Variants in SPOCK3 observed in about 807,000 individuals in gnomAD.
SPOCK3 encodes the protein SPARC (osteonectin), cwcv and kazal like domains proteoglycan 3, also known as testican-3.
A neutral mutation model predicts 56.6 loss-of-function variants in SPOCK3; 30 were observed. That is an observed-to-expected ratio of 0.53 (90% CI 0.40 to 0.72). The LOEUF is 0.72. Ranked by LOEUF, SPOCK3 falls within the 30% of genes least tolerant of loss-of-function variation. The pLI is 0.00. For synonymous variants in SPOCK3, 196 were observed against 183.3 expected, an observed-to-expected ratio of 1.07 and a Z score of -0.56; for missense variants, 527 against 530.0, an observed-to-expected ratio of 0.99 and a Z score of 0.06.
chr4:167,051,615 C>G (rs62352386), intron 3 of SPOCK3, among the ~76,000 whole-genome samples: 3,092 of 152,298 alleles, frequency 0.02, 41 homozygotes, highest in Middle Eastern at 0.034. Flanking sequence ...ATCTGATGCT[C>G]TGAACAGGGA....
chr4:166,861,556 A>T lies in SPOCK3; in HGVS notation c.589+27574T>A, dbSNP rs114799703. 1.0e-2 allele frequency among the ~76,000 whole-genome samples: 1,522 copies of T among 152,242 alleles called. 11 individuals are homozygous for T. The highest frequency in any genetic ancestry group is 0.031 in the Middle Eastern group (9 of 294). ...GCCTTGAGCAATACGTTTGTTGAAG[A>T]TTAAAGTGAAATAAATTTCCTTTGT... is the stretch of plus-strand genomic sequence containing the variant. On this transcript the variant is annotated intron_variant, in intron 6 of 10. Coordinates refer to ENST00000357545, the MANE Select transcript of SPOCK3 (RefSeq NM_001040159.2).
intron 3 of SPOCK3, among the ~76,000 whole-genome samples, chr4:167,044,271 T>C (rs902839648): frequency 6.6e-6 from 1 of 152,056 alleles, no homozygotes; most frequent in African/African-American, 2.4e-5. Context: ...TTAATGTTCA[T>C]GAAATCTGTA....
intron 6 of SPOCK3, among the ~76,000 whole-genome samples, chr4:166,886,973 A>G (rs1039125497): frequency 4.6e-5 from 7 of 152,174 alleles, no homozygotes; most frequent in African/African-American, 1.7e-4. Context: ...ACAATTTGTC[A>G]GAGGAGGATT....
intron 2 of SPOCK3, among the ~76,000 whole-genome samples, chr4:167,129,615 A>G (rs1762549774): frequency 6.6e-6 from 1 of 152,054 alleles, no homozygotes; most frequent in African/African-American, 2.4e-5. Context: ...GTCACTCCAA[A>G]TACAATGATA....
chr4:167,016,653 G>T (rs952109688), intron 3 of SPOCK3, among the ~76,000 whole-genome samples: 3 of 151,572 alleles, frequency 2.0e-5, no homozygotes, highest in African/African-American at 7.3e-5. Flanking sequence ...CGATTCTCCT[G>T]CCTCAGTCTC....
At chr4:166,769,591 G>T (rs1227906084) in intron 7 of SPOCK3, among the ~76,000 whole-genome samples, 3 of 152,182 alleles carry the variant, frequency 2.0e-5, no homozygotes, top group Non-Finnish European at 4.4e-5. Flanking sequence ...GTGTCAGTCT[G>T]CCCCTACTTG....
intron 2 of SPOCK3, among the ~76,000 whole-genome samples, chr4:167,226,670 TG>T (rs1736629973): frequency 6.6e-6 from 1 of 151,926 alleles, no homozygotes; most frequent in Non-Finnish European, 1.5e-5. Context: ...TTCAGGCCTG[TG>T]GGATACAAGT....
chr4:166,905,483 C>T (rs888808306), intron 5 of SPOCK3, among the ~76,000 whole-genome samples: 16 of 151,898 alleles, frequency 1.1e-4, no homozygotes, highest in African/African-American at 3.6e-4. Flanking sequence ...CTACAGAAAA[C>T]TTAATTAACA....
At chr4:166,852,902 A>ATTATTTT (rs1730277335) in intron 6 of SPOCK3, among the ~76,000 whole-genome samples, 2 of 152,206 alleles carry the variant, frequency 1.3e-5, no homozygotes, top group African/African-American at 2.4e-5. Context: ...GCTGGTATTA[A>ATTATTTT]AATATTAACA....
chr4:166,748,455 G>C lies in SPOCK3; in HGVS notation c.931+6053C>G, dbSNP rs1735936631. 2.2e-5 allele frequency among the ~76,000 whole-genome samples: 3 copies of C among 136,718 alleles called. 1 individual carries two copies. Among genetic ancestry groups the C allele is most frequent in the Non-Finnish European group, 3.1e-5 (2 of 64,506 alleles). The allele number at this position is 136,718 out of a possible 152,430, so 89.7% of individuals were successfully genotyped here. A position where few individuals can be genotyped will look rare whatever the true frequency, so the allele number is the denominator to read the frequency against. On this transcript the variant is annotated intron_variant, in intron 8 of 10. Coordinates refer to ENST00000357545, the MANE Select transcript of SPOCK3 (RefSeq NM_001040159.2). ...CATATGTACAAAGCTGAAACTGGATGCCTTCCTTACATCATATACAAAAGT... is the reference window on the plus strand; with the variant it reads ...CATATGTACAAAGCTGAAACTGGATCCCTTCCTTACATCATATACAAAAGT...
chr4:166,873,439 G>A (rs1419553440), intron 6 of SPOCK3, among the ~76,000 whole-genome samples: 1 of 152,058 alleles, frequency 6.6e-6, no homozygotes, highest in Admixed American at 6.6e-5. Flanking sequence ...ATCAATTGCA[G>A]CAAATGATGC....
intron 3 of SPOCK3, among the ~76,000 whole-genome samples, chr4:167,007,397 GTATAC>G (rs1456625600): frequency 2.0e-5 from 3 of 151,874 alleles, no homozygotes; most frequent in Non-Finnish European, 4.4e-5. Context: ...AAAATAGTTG[GTATAC>G]TATATTTATT....
rs566643109 is a variant in SPOCK3 at position 167,177,728 on chromosome 4, T to G, written c.189+56257A>C. Among the ~76,000 whole-genome samples the G allele has an allele frequency of 3.9e-5, 6 of 152,280 alleles. No individual in the cohort carries two copies. In the South Asian group the frequency reaches 1.0e-3, roughly 26 times the overall value. On this transcript the variant is annotated intron_variant, in intron 2 of 10. Coordinates refer to ENST00000357545, the MANE Select transcript of SPOCK3 (RefSeq NM_001040159.2). Reference sequence around the variant, plus strand: ...ACATTTTGTGGTTTTTACACTGACCTTTTTCTTTTATCTGCACTTAGTCAA... The same window carrying G: ...ACATTTTGTGGTTTTTACACTGACCGTTTTCTTTTATCTGCACTTAGTCAA...
chr4:167,113,850 C>A (rs1038040116), intron 2 of SPOCK3, among the ~76,000 whole-genome samples: 1 of 152,076 alleles, frequency 6.6e-6, no homozygotes. Flanking sequence ...CCTCTCTCAG[C>A]TGCAGTGCTT....
intron 3 of SPOCK3, chr4:167,011,164 C>T: frequency 2.5e-6 from 1 of 407,154 alleles, no homozygotes; most frequent in Non-Finnish European, 5.0e-6. Flanking sequence ...GAGAGCTGCA[C>T]CTAAAATATA....
chr4:167,128,743 T>C (rs1300961651), intron 2 of SPOCK3, among the ~76,000 whole-genome samples: 5 of 152,206 alleles, frequency 3.3e-5, no homozygotes, highest in Non-Finnish European at 5.9e-5. Flanking sequence ...AAACTAGTAT[T>C]GCCATTTGTT....
chr4:166,961,639 T>A (rs538716592), intron 4 of SPOCK3, among the ~76,000 whole-genome samples: 2 of 152,166 alleles, frequency 1.3e-5, no homozygotes, highest in South Asian at 4.1e-4. Flanking sequence ...ATTCTGCTCT[T>A]TGAGTTCTAT....
Position 167,038,973 on chromosome 4 carries a change from A to C in SPOCK3, c.235+23519T>G, listed in dbSNP as rs369308537. 2.9e-3 allele frequency among the ~76,000 whole-genome samples: 437 copies of C among 152,302 alleles called. 2 individuals are homozygous for C. Among genetic ancestry groups the C allele is most frequent in the African/African-American group, 0.01 (426 of 41,564 alleles). On this transcript the variant is annotated intron_variant, in intron 3 of 10. Transcript: ENST00000357545. The stretch of plus-strand genomic sequence containing the variant: ...GTACTGCTGTAGCAAAGTACTGCAA[A>C]CTAGGTAGCTTAAAAAAAACAGACA...
intron 3 of SPOCK3, among the ~76,000 whole-genome samples, chr4:167,060,497 G>A (rs1755477784): frequency 6.6e-6 from 1 of 151,926 alleles, no homozygotes; most frequent in Non-Finnish European, 1.5e-5. Context: ...TTGACTCAAA[G>A]CGAAAAACAA....
Sources: gnomAD v4.1 joint callset for allele counts (sites outside exome capture counted in the v4.1 genomes callset) on GRCh38, gnomAD v4.1.1 for gene constraint, MANE v1.5 for transcripts, NCBI Gene and HGNC (gene_info 2026-07-23, HGNC 2026-07-21) for gene names.